The following EPHA6 variants were observed in gnomAD, a reference collection of about 807,000 sequenced individuals.
EPHA6 encodes EPH receptor A6, also known as ephrin type-A receptor 6.
In EPHA6, 50 loss-of-function variants were observed where a neutral mutation model predicts 112.0. That is an observed-to-expected ratio of 0.45 (90% CI 0.36 to 0.56). EPHA6 has a LOEUF of 0.56. Ranked by LOEUF, EPHA6 falls within the 20% of genes least tolerant of loss-of-function variation. The pLI, the probability that EPHA6 is intolerant of heterozygous loss-of-function variation, is 0.00. For synonymous variants in EPHA6, 529 were observed against 490.7 expected (o/e 1.08, Z -1.03); for missense variants, 1,280 against 1,417.4 (o/e 0.90, Z 1.56).
chr3:97,188,424 G>A (rs1242304973), intron 3 of EPHA6, among the ~76,000 whole-genome samples: 3 of 151,786 alleles, frequency 2.0e-5, no homozygotes. Flanking sequence ...TTTCTATATT[G>A]CAAAAGATAT....
intron 5 of EPHA6, among the ~76,000 whole-genome samples, chr3:97,325,614 C>G (rs2082381620): frequency 6.6e-6 from 1 of 152,044 alleles, no homozygotes; most frequent in South Asian, 2.1e-4. Context: ...GTACCTGGTG[C>G]ATGATACTCA....
chr3:96,940,673 G>A (rs1160020563), intron 2 of EPHA6, among the ~76,000 whole-genome samples: 4 of 152,140 alleles, frequency 2.6e-5, no homozygotes, highest in African/African-American at 9.7e-5. Flanking sequence ...TTCGTTAGTT[G>A]ATGCAGTTTC....
chr3:97,287,557 A>G (rs2080517204), intron 5 of EPHA6, among the ~76,000 whole-genome samples: 1 of 151,518 alleles, frequency 6.6e-6, no homozygotes, highest in Admixed American at 6.6e-5. Flanking sequence ...TACATCCTTT[A>G]TTATGTTGAG....
intron 13 of EPHA6, among the ~76,000 whole-genome samples, 189 bp downstream of exon 13, chr3:97,611,043 A>T (rs542180768): frequency 4.0e-5 from 6 of 151,716 alleles, no homozygotes; most frequent in Non-Finnish European, 7.4e-5. Context: ...GAGGATGTAC[A>T]CTCAATAACG....
intron 2 of EPHA6, among the ~76,000 whole-genome samples, chr3:96,970,326 TGA>T (rs1252165803): frequency 6.6e-6 from 1 of 151,610 alleles, no homozygotes; most frequent in Non-Finnish European, 1.5e-5. Context: ...GTTATAAACC[TGA>T]GTTTTCATCC....
intron 5 of EPHA6, among the ~76,000 whole-genome samples, chr3:97,380,154 A>G (rs2085644149): frequency 6.6e-6 from 1 of 152,186 alleles, no homozygotes; most frequent in African/African-American, 2.4e-5. Flanking sequence ...GCAGAATTAA[A>G]AGATTTTCTG....
chr3:97,049,968 A>G (rs1053747318), intron 3 of EPHA6, among the ~76,000 whole-genome samples: 2 of 152,214 alleles, frequency 1.3e-5, no homozygotes, highest in Non-Finnish European at 2.9e-5. Flanking sequence ...AACTATAGCA[A>G]TGTGTTTGTG....
intron 5 of EPHA6, among the ~76,000 whole-genome samples, chr3:97,364,000 G>A (rs1343725336): frequency 6.6e-6 from 1 of 152,048 alleles, no homozygotes; most frequent in Non-Finnish European, 1.5e-5. Flanking sequence ...CAACGGCTGG[G>A]AGAGGACAAA....
At chr3:96,968,133 T>C (rs534379338) in intron 2 of EPHA6, among the ~76,000 whole-genome samples, 187 of 151,954 alleles carry the variant, frequency 1.2e-3, no homozygotes, top group African/African-American at 4.1e-3. Context: ...TCTATTAACT[T>C]ATAAACTATT....
intron 2 of EPHA6, among the ~76,000 whole-genome samples, chr3:96,872,302 G>A (rs560029145): frequency 6.6e-6 from 1 of 152,142 alleles, no homozygotes; most frequent in African/African-American, 2.4e-5. Context: ...GCACAGGTGA[G>A]CTCATGATTG....
At chr3:97,481,532 C>T (rs866458771) in intron 9 of EPHA6, 34 of 853,102 alleles carry the variant, frequency 4.0e-5, no homozygotes, top group Middle Eastern at 4.6e-4. Flanking sequence ...AGTGCAGGCC[C>T]GGGGGTCCCT....
intron 3 of EPHA6, among the ~76,000 whole-genome samples, chr3:97,069,867 G>A (rs1284825854): frequency 6.6e-6 from 1 of 151,980 alleles, no homozygotes; most frequent in Non-Finnish European, 1.5e-5. Context: ...GGGAAAATAG[G>A]AAAAAGTGCA....
chr3:97,501,803 A>G (rs1222045270), intron 10 of EPHA6, among the ~76,000 whole-genome samples: 1 of 152,114 alleles, frequency 6.6e-6, no homozygotes, highest in Non-Finnish European at 1.5e-5. Flanking sequence ...AGGGAATAAA[A>G]GAAAGTAGAA....
chr3:97,137,651 A>G (rs1468489508), intron 3 of EPHA6, among the ~76,000 whole-genome samples: 1 of 152,128 alleles, frequency 6.6e-6, no homozygotes, highest in East Asian at 1.9e-4. Flanking sequence ...TCTTTATAAA[A>G]CTATATTGCT....
Position 96,987,538 on chromosome 3 carries a change from A to C in EPHA6, c.659A>C (p.Asn220Thr). 6.2e-7 allele frequency: 1 copy of C among 1,613,944 alleles called. No individual in the cohort carries two copies. The highest frequency in any genetic ancestry group is 1.7e-5 in the Admixed American group (1 of 60,004). The change falls in exon 3 of 18, where the codon AAT becomes ACT. Residue 220 changes from asparagine (N) to threonine (T), a missense_variant. By Grantham distance (65) the Asn-to-Thr change is moderately conservative. Coordinates refer to ENST00000389672, the MANE Select transcript of EPHA6 (RefSeq NM_001080448.3). Reference protein sequence around the residue: ...WVLGTCKETFNLFYMESDESH... With the variant: ...WVLGTCKETFTLFYMESDESH... ...TTGGGGACTTGCAAAGAAACATTTA[A>C]TCTGTTTTATATGGAATCAGATGAG...
intron 5 of EPHA6, among the ~76,000 whole-genome samples, chr3:97,286,758 T>G (rs1576847828): frequency 1.3e-5 from 2 of 152,074 alleles, no homozygotes; most frequent in South Asian, 2.1e-4. Context: ...TTTAGATTTT[T>G]TTTTCTAGTT....
chr3:97,746,643 C>A (rs1163756701), intron 16 of EPHA6, among the ~76,000 whole-genome samples: 1 of 151,578 alleles, frequency 6.6e-6, no homozygotes, highest in East Asian at 1.9e-4. Flanking sequence ...CTAGCCTTTC[C>A]AAAGTAATAC....
At chr3:97,096,501 G>A (rs989310319) in intron 3 of EPHA6, among the ~76,000 whole-genome samples, 1 of 151,852 alleles carries the variant, frequency 6.6e-6, no homozygotes, top group East Asian at 1.9e-4. Context: ...AGTATTGAGA[G>A]TACTTGGCTT....
intron 16 of EPHA6, among the ~76,000 whole-genome samples, chr3:97,736,922 G>A (rs1382499436): frequency 1.3e-5 from 2 of 151,926 alleles, no homozygotes; most frequent in African/African-American, 4.8e-5. Context: ...TTCACTCAGG[G>A]GATGGCTGGG....
Sources: allele counts gnomAD v4.1 joint callset (sites outside exome capture counted in the v4.1 genomes callset), GRCh38; gene constraint gnomAD v4.1.1; transcripts MANE v1.5; gene names NCBI Gene and HGNC (gene_info 2026-07-23, HGNC 2026-07-21).